Variants in SEC23B observed in about 807,000 individuals in gnomAD.
The protein encoded by SEC23B is protein transport protein Sec23B.
In SEC23B, 77 loss-of-function variants were observed where a neutral mutation model predicts 104.3. The observed-to-expected ratio is 0.74, with a 90% CI of 0.61 to 0.89. The LOEUF is 0.89. Among genes scored for constraint, SEC23B ranks in the 40% least tolerant of loss-of-function variants. SEC23B has a pLI of 0.00. For synonymous variants in SEC23B, 338 were observed against 332.5 expected (o/e 1.02, Z -0.18); for missense variants, 885 against 949.4 (o/e 0.93, Z 0.89).
chr20:18,538,599 A>T (rs1029258794), intron 12 of SEC23B, among the ~76,000 whole-genome samples: 1 of 151,344 alleles, frequency 6.6e-6, no homozygotes, highest in Non-Finnish European at 1.5e-5. Flanking sequence ...GCATCAGTCG[A>T]CTCTTCCTTC....
In SEC23B at chr20:18,526,476, G is replaced by T. The variant is rs750888081; in HGVS notation, c.938G>T (p.Arg313Leu). 4 of 1,614,018 alleles carry T rather than the reference G, an allele frequency of 2.5e-6. No individual in the cohort carries two copies. Among genetic ancestry groups the T allele is most frequent in the Non-Finnish European group, 3.4e-6 (4 of 1,180,020 alleles). The change falls in exon 8 of 20, where the codon CGT (arginine) becomes CTT (leucine). Residue 313 changes from arginine (R) to leucine (L), a missense_variant. By Grantham distance (102) the Arg-to-Leu change is moderately radical. Coordinates refer to ENST00000650089, the MANE Select transcript of SEC23B (RefSeq NM_006363.6). ...VVGDELKIPI[R>L]SWHDIEKDNA... Reference sequence around the variant, plus strand: ...GGAGATGAATTAAAGATTCCTATTCGTTCTTGGCATGATATTGAGAAAGAT... The same window carrying T: ...GGAGATGAATTAAAGATTCCTATTCTTTCTTGGCATGATATTGAGAAAGAT...
At chr20:18,514,787 C>T (rs1262780402) in intron 3 of SEC23B, among the ~76,000 whole-genome samples, 1 of 152,198 alleles carries the variant, frequency 6.6e-6, no homozygotes, top group Non-Finnish European at 1.5e-5. Flanking sequence ...AGGAGGTTGA[C>T]AGTAGCTGCT....
chr20:18,542,384 T>C lies in SEC23B; in HGVS notation c.1493T>C (p.Val498Ala). ...QHSSTQRRIRVTTIARNWADV... is the reference protein window; with the variant it reads ...QHSSTQRRIRATTIARNWADV... ...TCCAGCACCCAGAGACGCATCCGCG[T>C]GACCACCATCGCCCGAAAGTAAGCA... Residue 498 changes from valine (V) to alanine (A), a missense_variant, in exon 13 of 20, where the codon GTG becomes GCG. By Grantham distance (64) the Val-to-Ala change is moderately conservative. Coordinates refer to ENST00000650089, the MANE Select transcript of SEC23B (RefSeq NM_006363.6). 6.2e-7 allele frequency: 1 copy of C among 1,614,232 alleles called. No homozygotes were observed. Among genetic ancestry groups the C allele is most frequent in the South Asian group, 1.1e-5 (1 of 91,092 alleles).
intron 6 of SEC23B, 46 bp from the exon 7 acceptor site, chr20:18,525,742 A>G (rs2060127781): frequency 6.2e-7 from 1 of 1,607,714 alleles, no homozygotes; most frequent in African/African-American, 1.3e-5. Flanking sequence ...TGAAGACCAG[A>G]GTACTTTATT....
chr20:18,550,034 TATA>T (rs1275882128), intron 16 of SEC23B, among the ~76,000 whole-genome samples: 3 of 125,538 alleles, frequency 2.4e-5, no homozygotes, highest in East Asian at 3.2e-4. Flanking sequence ...TATATGTAAA[TATA>T]ATAAATTATA....
At chr20:18,558,455 C>T (rs2060461284) in intron 19 of SEC23B, among the ~76,000 whole-genome samples, 1 of 152,172 alleles carries the variant, frequency 6.6e-6, no homozygotes, top group Admixed American at 6.5e-5. Flanking sequence ...GTTTCTATCT[C>T]TTGCCAAATA....
rs2060486213 is a variant in SEC23B, at chr20:18,560,794, A to G, written c.*54A>G. 3.7e-6 allele frequency: 5 copies of G among 1,338,684 alleles called. No homozygotes were observed. Among genetic ancestry groups the G allele is most frequent in the African/African-American group, 1.4e-5 (1 of 69,422 alleles). 82.9% of individuals were successfully genotyped at this position (1,338,684 alleles called of 1,614,324 possible). A position where few individuals can be genotyped will look rare whatever the true frequency, so the allele number is the denominator to read the frequency against. Reference sequence around the variant, plus strand: ...GTGTCAGATTGTGTTCAAAATGTCTAGAAAGGCTTGATAACATTCCTGTTA... The same window carrying G: ...GTGTCAGATTGTGTTCAAAATGTCTGGAAAGGCTTGATAACATTCCTGTTA... On this transcript the variant is annotated 3_prime_UTR_variant, in exon 20 of 20. Coordinates refer to ENST00000650089, the MANE Select transcript of SEC23B (RefSeq NM_006363.6).
chr20:18,551,963 T>A (rs774762085), intron 17 of SEC23B, among the ~76,000 whole-genome samples: 4 of 152,150 alleles, frequency 2.6e-5, no homozygotes, highest in Non-Finnish European at 5.9e-5. Flanking sequence ...TGTCTGTGGA[T>A]CCCTAGGATG....
intron 9 of SEC23B, among the ~76,000 whole-genome samples, chr20:18,529,870 C>T (rs1481340800): frequency 6.6e-6 from 1 of 152,230 alleles, no homozygotes; most frequent in Non-Finnish European, 1.5e-5. Context: ...TTGTGTTCTT[C>T]AAGATTCTGA....
At chr20:18,527,221 T>A (rs2060141714) in intron 8 of SEC23B, among the ~76,000 whole-genome samples, 1 of 151,664 alleles carries the variant, frequency 6.6e-6, no homozygotes, top group South Asian at 2.1e-4. Flanking sequence ...TCTCAAAAAG[T>A]AAATAAAAAT....
chr20:18,544,248 C>G (rs959184063), intron 14 of SEC23B, among the ~76,000 whole-genome samples: 2 of 152,286 alleles, frequency 1.3e-5, no homozygotes, highest in East Asian at 3.9e-4. Context: ...GTAGGGAAAC[C>G]TGTTTCATTT....
chr20:18,553,211 G>GC (rs2122168969), intron 17 of SEC23B, among the ~76,000 whole-genome samples: 1 of 152,334 alleles, frequency 6.6e-6, no homozygotes, highest in East Asian at 1.9e-4. Flanking sequence ...CGTGCTGAAC[G>GC]CGAGTGTTCT....
intron 12 of SEC23B, among the ~76,000 whole-genome samples, chr20:18,538,232 G>A (rs1290550909): frequency 6.8e-6 from 1 of 146,768 alleles, no homozygotes; most frequent in South Asian, 2.2e-4. Flanking sequence ...GAGCTACCAC[G>A]CCCCACCTGG....
chr20:18,518,064 G>A (rs2060046315), intron 4 of SEC23B, among the ~76,000 whole-genome samples: 2 of 152,200 alleles, frequency 1.3e-5, no homozygotes, highest in African/African-American at 4.8e-5. Flanking sequence ...TACCGTTCCT[G>A]AAGATTGAGG....
rs1470888324 is a variant in SEC23B, at chr20:18,548,716, C to G, written c.1851C>G (p.Ser617=). Residue 617 remains serine (S), a synonymous_variant, in exon 16 of 20, where the codon TCC becomes TCG. Coordinates refer to ENST00000650089, the MANE Select transcript of SEC23B (RefSeq NM_006363.6). The stretch of plus-strand genomic sequence containing the variant: ...TTGCCCGGCAGGACCTGACCCAGTC[C>G]CTCATCATGATCCAGCCCATTCTCT... ...HHFARQDLTQ[S]LIMIQPILYS... is the part of the protein sequence containing the mutation. 1 of 1,614,128 alleles carries G rather than the reference C, an allele frequency of 6.2e-7. No individual in the cohort carries two copies. The highest frequency in any genetic ancestry group is 8.5e-7 in the Non-Finnish European group (1 of 1,180,028).
chr20:18,559,743 T>A (rs2060475171), intron 19 of SEC23B, among the ~76,000 whole-genome samples: 1 of 152,184 alleles, frequency 6.6e-6, no homozygotes, highest in African/African-American at 2.4e-5. Context: ...ATTCAGAGTA[T>A]ATGAGGCATA....
chr20:18,540,446 G>A (rs1033838282), intron 12 of SEC23B, among the ~76,000 whole-genome samples: 1 of 152,220 alleles, frequency 6.6e-6, no homozygotes, highest in African/African-American at 2.4e-5. Context: ...GTACACAGAT[G>A]TGCTGTCATC....
At chr20:18,514,862 A>T (rs2148888160) in intron 3 of SEC23B, among the ~76,000 whole-genome samples, 1 of 152,328 alleles carries the variant, frequency 6.6e-6, no homozygotes, top group African/African-American at 2.4e-5. Context: ...TGGACTTGCC[A>T]ATTTTTCTAC....
intron 17 of SEC23B, among the ~76,000 whole-genome samples, chr20:18,552,906 G>A (rs1177291895): frequency 2.0e-5 from 3 of 152,182 alleles, no homozygotes; most frequent in South Asian, 4.1e-4. Flanking sequence ...GATTTAAAGT[G>A]TATGGGAAGA....
Sources: gnomAD v4.1 joint callset for allele counts (sites outside exome capture counted in the v4.1 genomes callset) on GRCh38, gnomAD v4.1.1 for gene constraint, MANE v1.5 for transcripts, NCBI Gene and HGNC (gene_info 2026-07-23, HGNC 2026-07-21) for gene names.